WDR11: variants seen among roughly 807,000 people sequenced by gnomAD.
WDR11 encodes the protein WD repeat domain 11, also known as WD repeat-containing protein 11.
In WDR11, 83 loss-of-function variants were observed where a neutral mutation model predicts 151.2. That is an observed-to-expected ratio of 0.55 (90% CI 0.46 to 0.66). The LOEUF (loss-of-function observed/expected upper bound fraction) is 0.66, where lower values mean the gene tolerates loss of function less well. WDR11 is among the 30% of genes least tolerant of loss of function. The pLI is 0.00. For synonymous variants in WDR11, 484 were observed against 533.1 expected (o/e 0.91, Z 1.27); for missense variants, 1,301 against 1,480.9 (o/e 0.88, Z 1.99).
rs1847406132 is a variant in WDR11, at chr10:120,890,781, G to T, written c.2409G>T (p.Trp803Cys). ...NVTFRILDVD[W>C]CTSDKVILAS... ...CCTTTCGTATATTGGATGTGGACTG[G>T]TGTACGTCAGATAAAGTGATCTTGG... The change falls in exon 19 of 29, where the codon TGG (tryptophan) becomes TGT (cysteine). Residue 803 changes from tryptophan to cysteine, a missense_variant. Coordinates refer to ENST00000263461, the MANE Select transcript of WDR11 (RefSeq NM_018117.12). 3 of 1,614,188 alleles carry T rather than the reference G, an allele frequency of 1.9e-6. No individual in the cohort carries two copies. Among genetic ancestry groups the T allele is most frequent in the Non-Finnish European group, 1.7e-6 (2 of 1,180,040 alleles).
Position 120,890,906 on chromosome 10 carries a change from A to AG in WDR11, c.2515+24dup, listed in dbSNP as rs754325669. 7 of 1,613,832 alleles carry AG rather than the reference A, an allele frequency of 4.3e-6. No homozygotes were observed. The East Asian group carries it at 1.6e-4, about 36-fold the overall frequency. Reference sequence around the variant, plus strand: ...TTAACCGGTATGGAATCCTAATGATAGGGGGCTTTGAAACCTGTCTTTACT... The same window carrying AG: ...TTAACCGGTATGGAATCCTAATGATAGGGGGGCTTTGAAACCTGTCTTTACT... On this transcript the variant is annotated intron_variant, in intron 19 of 28. Coordinates refer to ENST00000263461, the MANE Select transcript of WDR11 (RefSeq NM_018117.12).
At chr10:120,851,606 G>A in intron 1 of WDR11, 100 bp downstream of exon 1, 1 of 1,446,464 alleles carries the variant, frequency 6.9e-7, no homozygotes, top group Non-Finnish European at 9.4e-7. Context: ...GTTTGGCCTC[G>A]CTAAGGCAGG....
chr10:120,874,356 T>TTA (rs1046234753), intron 11 of WDR11, among the ~76,000 whole-genome samples: 3 of 151,814 alleles, frequency 2.0e-5, no homozygotes, highest in Non-Finnish European at 4.4e-5. Context: ...CAGGTTTATT[T>TTA]TATTTATTTA....
At chr10:120,879,292 G>T (rs1846912864) in intron 12 of WDR11, 1 of 152,116 alleles carries the variant, frequency 6.6e-6, no homozygotes, top group Non-Finnish European at 1.5e-5. Flanking sequence ...AGCTCTCAAA[G>T]ATCCAGTTGT....
chr10:120,866,925 G>T (rs1350130279), intron 8 of WDR11, 141 bp from the exon 9 acceptor site: 4 of 1,051,972 alleles, frequency 3.8e-6, no homozygotes, highest in Non-Finnish European at 5.6e-6. Context: ...AAATCTGCTA[G>T]AGCTATTTCA....
intron 11 of WDR11, 53 bp from the exon 12 acceptor site, chr10:120,878,300 C>G: frequency 7.2e-7 from 1 of 1,389,306 alleles, no homozygotes; most frequent in Non-Finnish European, 1.0e-6. Flanking sequence ...ATAAATGAAC[C>G]TTTCAAATAA....
At chr10:120,874,346 C>T (rs570086634) in intron 11 of WDR11, among the ~76,000 whole-genome samples, 2 of 150,764 alleles carry the variant, frequency 1.3e-5, no homozygotes, top group Non-Finnish European at 3.0e-5. Flanking sequence ...TTGCCTTGTT[C>T]AGGTTTATTT....
At chr10:120,867,218 G>T in intron 9 of WDR11, 49 bp downstream of exon 9, 1 of 1,337,380 alleles carries the variant, frequency 7.5e-7, no homozygotes, top group Non-Finnish European at 1.1e-6. Flanking sequence ...TTTCTGAAGG[G>T]CAAAATTAAT....
At chr10:120,859,638 T>TA (rs1314064672) in intron 3 of WDR11, among the ~76,000 whole-genome samples, 2 of 152,096 alleles carry the variant, frequency 1.3e-5, no homozygotes, top group East Asian at 3.9e-4. Flanking sequence ...AATGACTATT[T>TA]AAAAAATATT....
At chr10:120,904,215 G>A (rs2133815120) in intron 24 of WDR11, 73 bp downstream of exon 24, 3 of 1,136,488 alleles carry the variant, frequency 2.6e-6, no homozygotes, top group East Asian at 4.8e-5. Context: ...CAATATATCT[G>A]TATGTATATA....
chr10:120,873,652 A>T (rs559026950), intron 10 of WDR11, among the ~76,000 whole-genome samples, 187 bp from the exon 11 acceptor site: 53 of 152,074 alleles, frequency 3.5e-4, no homozygotes, highest in Middle Eastern at 3.4e-3. Context: ...GGTTAGGCCC[A>T]TTTTTTTTAT....
At chr10:120,901,620 C>T (rs1004627707) in intron 21 of WDR11, among the ~76,000 whole-genome samples, 5 of 152,054 alleles carry the variant, frequency 3.3e-5, no homozygotes, top group African/African-American at 1.2e-4. Context: ...TTGGGGAAAG[C>T]GTAACACATT....
chr10:120,877,142 T>A (rs1337291627), intron 11 of WDR11, among the ~76,000 whole-genome samples: 2 of 152,220 alleles, frequency 1.3e-5, no homozygotes, highest in African/African-American at 4.8e-5. Flanking sequence ...TATCCTGGAT[T>A]AGTCAGGTTA....
chr10:120,886,644 A>AC, intron 15 of WDR11, 45 bp from the exon 16 acceptor site: 1 of 1,580,722 alleles, frequency 6.3e-7, no homozygotes, highest in South Asian at 1.1e-5. Context: ...GTATCACTCT[A>AC]GGGGAAAAAA....
At position 120,852,559 on chromosome 10, in the gene WDR11, C is replaced by T; in HGVS notation, c.122C>T (p.Ser41Leu). ...WQGLIAYGCH[S>L]LVVVIDSITA... is the part of the protein sequence containing the mutation. ...GGTTTAATTGCTTATGGATGTCATTCACTTGTGGTAGTGATTGATTCCATT... is the reference window on the plus strand; with the variant it reads ...GGTTTAATTGCTTATGGATGTCATTTACTTGTGGTAGTGATTGATTCCATT... Residue 41 changes from serine (S) to leucine (L), a missense_variant, in exon 2 of 29, where the codon TCA becomes TTA. By Grantham distance (145) the Ser-to-Leu change is moderately radical. Transcript: ENST00000263461. 1 of 1,613,986 alleles carries T rather than the reference C, an allele frequency of 6.2e-7. No individual in the cohort carries two copies. Among genetic ancestry groups the T allele is most frequent in the Non-Finnish European group, 8.5e-7 (1 of 1,179,968 alleles).
At chr10:120,905,698 G>A in intron 26 of WDR11, 178 bp from the exon 27 acceptor site, 2 of 1,169,202 alleles carry the variant, frequency 1.7e-6, no homozygotes, top group South Asian at 2.8e-5. Context: ...CAGGCCCTGG[G>A]TCCCGTAGGC....
chr10:120,903,067 T>C lies in WDR11; in HGVS notation c.2766T>C (p.Asp922=). The C allele has an allele frequency of 6.2e-7, 1 of 1,614,046 alleles. No homozygotes were observed. Among genetic ancestry groups the C allele is most frequent in the South Asian group, 1.1e-5 (1 of 91,074 alleles). ...TCATCCTTGCCAGGCTCTATGGTGATGAATCGGAGCTGCACTTCTGGACTG... is the reference window on the plus strand; with the variant it reads ...TCATCCTTGCCAGGCTCTATGGTGACGAATCGGAGCTGCACTTCTGGACTG... ...RCLLVSRLYG[D]ESELHFWTVA... The change falls in exon 23 of 29, where the codon GAT becomes GAC. Residue 922 remains aspartate, a synonymous_variant. Transcript: ENST00000263461.
At chr10:120,898,708 G>C (rs944666044) in intron 19 of WDR11, among the ~76,000 whole-genome samples, 1 of 152,068 alleles carries the variant, frequency 6.6e-6, no homozygotes, top group East Asian at 1.9e-4. Flanking sequence ...TTGCCCCCTC[G>C]CTGGCTCTCT....
At chr10:120,877,688 A>G (rs1348219715) in intron 11 of WDR11, among the ~76,000 whole-genome samples, 1 of 152,226 alleles carries the variant, frequency 6.6e-6, no homozygotes, top group African/African-American at 2.4e-5. Context: ...ATTAGCAGTA[A>G]ACTCAAAACA....
Sources: allele counts gnomAD v4.1 joint callset (sites outside exome capture counted in the v4.1 genomes callset), GRCh38; gene constraint gnomAD v4.1.1; transcripts MANE v1.5; gene names NCBI Gene and HGNC (gene_info 2026-07-23, HGNC 2026-07-21).